The following DACH2 variants were observed in gnomAD, a reference collection of about 807,000 sequenced individuals.
DACH2 encodes dachshund homolog 2.
DACH2 carries 17 observed loss-of-function variants against 35.8 expected under a neutral mutation model. The observed-to-expected ratio is 0.48, with a 90% CI of 0.33 to 0.71. DACH2 has a LOEUF of 0.71. DACH2 is among the 30% of genes least tolerant of loss of function. The pLI, the probability that DACH2 is intolerant of heterozygous loss-of-function variation, is 0.02. For synonymous variants in DACH2, 195 were observed against 177.3 expected (o/e 1.10, Z -0.79); for missense variants, 469 against 472.7 (o/e 0.99, Z 0.07).
chrX:86,296,633 G>T (rs1394707431), intron 1 of DACH2, among the ~76,000 whole-genome samples: 3 of 110,684 alleles, frequency 2.7e-5, no homozygotes, highest in African/African-American at 6.6e-5. Flanking sequence ...CTTTTGGTTT[G>T]TCTCTAAAAT....
chrX:86,560,635 A>G (rs2039204289), intron 3 of DACH2, among the ~76,000 whole-genome samples: 1 of 87,946 alleles, frequency 1.1e-5, no homozygotes, highest in African/African-American at 4.3e-5. Flanking sequence ...CCTGAGAAAA[A>G]CAAGCAATGG....
intron 2 of DACH2, among the ~76,000 whole-genome samples, chrX:86,390,123 G>A (rs2036178326): frequency 9.0e-6 from 1 of 111,425 alleles, no homozygotes; most frequent in African/African-American, 3.3e-5. Context: ...TTAAAACAGG[G>A]TGGAAGCATT....
intron 2 of DACH2, among the ~76,000 whole-genome samples, chrX:86,476,509 C>A (rs1450813213): frequency 9.0e-6 from 1 of 111,341 alleles, no homozygotes; most frequent in Non-Finnish European, 1.9e-5. Flanking sequence ...TTTTTCACCT[C>A]TGATTTTATT....
At chrX:86,704,540 A>C (rs887764683) in intron 5 of DACH2, among the ~76,000 whole-genome samples, 2 of 111,730 alleles carry the variant, frequency 1.8e-5, no homozygotes, top group Non-Finnish European at 3.8e-5. Flanking sequence ...ATGTTTGCAA[A>C]CTCTGCATCT....
intron 3 of DACH2, among the ~76,000 whole-genome samples, chrX:86,524,341 A>G (rs907663937): frequency 8.9e-6 from 1 of 112,077 alleles, no homozygotes; most frequent in Non-Finnish European, 1.9e-5. Context: ...GTGTCTAAAA[A>G]CATACCTTTT....
chrX:86,557,399 G>T (rs1602643685), intron 3 of DACH2, among the ~76,000 whole-genome samples: 1 of 108,710 alleles, frequency 9.2e-6, no homozygotes, highest in Admixed American at 9.9e-5. Flanking sequence ...TTGTTCTTTT[G>T]GCTTAGGATT....
At chrX:86,712,904 C>T (rs896706798) in intron 5 of DACH2, among the ~76,000 whole-genome samples, 3 of 111,120 alleles carry the variant, frequency 2.7e-5, no homozygotes, top group Non-Finnish European at 5.7e-5. Context: ...CTGAGTTCCA[C>T]GCAGAATTTA....
At chrX:86,403,942 G>A (rs1388455769) in intron 2 of DACH2, among the ~76,000 whole-genome samples, 1 of 110,343 alleles carries the variant, frequency 9.1e-6, no homozygotes, top group East Asian at 2.8e-4. Flanking sequence ...TCTTCACATG[G>A]TGGCAGCAAG....
chrX:86,746,214 ATTTG>A (rs2041710882), intron 7 of DACH2, among the ~76,000 whole-genome samples: 2 of 111,537 alleles, frequency 1.8e-5, no homozygotes, highest in African/African-American at 6.5e-5. Context: ...TGCTGGGAAC[ATTTG>A]CATACAGTTT....
Position 86,813,266 on chromosome X carries a change from T to C in DACH2, c.1526T>C (p.Leu509Pro). 1 of 1,197,586 alleles carries C rather than the reference T, an allele frequency of 8.4e-7. No individual in the cohort carries two copies. ...CTTGAAAGACAACTTGCAGTTGAGC[T>C]TCAAAGCAGAAGTAAGTTTTACAAG... ...ENLERQLAVE[L>P]QSRTTMQKRL... The change falls in exon 9 of 12, where the codon CTT (leucine) becomes CCT (proline). Residue 509 changes from leucine (L) to proline (P), a missense_variant. Around this residue, in one of 3 missense-constraint regions of DACH2, gnomAD observed 363 missense variants for 334.4 expected, o/e 1.09. Transcript: ENST00000373125.
At chrX:86,826,223 CT>C (rs2042561123) in intron 11 of DACH2, among the ~76,000 whole-genome samples, 2 of 110,744 alleles carry the variant, frequency 1.8e-5, no homozygotes, top group African/African-American at 6.6e-5. Context: ...GGTATGTTTT[CT>C]AAGAACTAGA....
intron 2 of DACH2, among the ~76,000 whole-genome samples, chrX:86,379,848 G>A (rs182205805): frequency 9.0e-6 from 1 of 110,899 alleles, no homozygotes; most frequent in Non-Finnish European, 1.9e-5. Context: ...AATTTGGGTA[G>A]ACAGTGCTGC....
intron 6 of DACH2, among the ~76,000 whole-genome samples, chrX:86,720,815 C>G (rs2041397241): frequency 8.9e-6 from 1 of 112,807 alleles, no homozygotes; most frequent in South Asian, 3.7e-4. Context: ...CAGAAGTTCT[C>G]CTTTTGGGCT....
chrX:86,807,715 CTG>C (rs1048426432), intron 7 of DACH2, among the ~76,000 whole-genome samples: 15 of 111,666 alleles, frequency 1.3e-4, no homozygotes, highest in Non-Finnish European at 3.8e-5. Context: ...TAAAGGAAAA[CTG>C]TGCCCTGTGA....
At chrX:86,239,062 A>T (rs1393407268) in intron 1 of DACH2, among the ~76,000 whole-genome samples, 1 of 111,672 alleles carries the variant, frequency 9.0e-6, no homozygotes, top group Non-Finnish European at 1.9e-5. Context: ...TTCTCTGCTA[A>T]CAGAGAAAGC....
At chrX:86,381,896 C>T (rs1156037) in intron 2 of DACH2, among the ~76,000 whole-genome samples, 4,986 of 110,046 alleles carry the variant, frequency 0.045, 144 homozygotes, top group East Asian at 0.21. Context: ...TCAGTTTTTC[C>T]CATTTCAAAG....
rs1002260520 is a variant in DACH2 at position 86,409,919 on chromosome X, T to C, written c.527+33057T>C. 2.7e-5 allele frequency among the ~76,000 whole-genome samples: 3 copies of C among 112,077 alleles called. No individual in the cohort carries two copies. The Admixed American group carries it at 2.8e-4, about 11-fold the overall frequency. On this transcript the variant is annotated intron_variant, in intron 2 of 11. Transcript: ENST00000373125. ...TGCTCTGAAGTAAACAGGTGAATAG[T>C]ATGTAAGACAAAGCAGTTCCCCAAA...
chrX:86,546,327 T>TTCTTCTTCC (rs1280669607), intron 3 of DACH2, among the ~76,000 whole-genome samples: 5 of 89,379 alleles, frequency 5.6e-5, no homozygotes, highest in African/African-American at 1.9e-4. Flanking sequence ...CTCTTTCTTC[T>TTCTTCTTCC]TCTTCTTCTT....
At chrX:86,300,805 T>G (rs2034561928) in intron 1 of DACH2, among the ~76,000 whole-genome samples, 3 of 112,404 alleles carry the variant, frequency 2.7e-5, no homozygotes, top group African/African-American at 9.7e-5. Flanking sequence ...ATAGTTATAT[T>G]AGTCAGGGTA....
Sources: allele counts gnomAD v4.1 joint callset (sites outside exome capture counted in the v4.1 genomes callset), GRCh38; gene constraint gnomAD v4.1.1; regional missense constraint gnomAD v4.1.1; transcripts MANE v1.5; gene names NCBI Gene and HGNC (gene_info 2026-07-23, HGNC 2026-07-21).